DNAH1: variants seen among roughly 807,000 people sequenced by gnomAD.
DNAH1 encodes dynein axonemal heavy chain 1, also known as axonemal beta dynein heavy chain 1.
In DNAH1, 327 loss-of-function variants were observed where a neutral mutation model predicts 484.3. The ratio of observed to expected loss-of-function variants is 0.68; its 90% CI spans 0.62 to 0.74. The LOEUF (loss-of-function observed/expected upper bound fraction) is 0.74, where lower values mean the gene tolerates loss of function less well. Ranked by LOEUF, DNAH1 falls within the 30% of genes least tolerant of loss-of-function variation. The probability of loss-of-function intolerance (pLI) is 0.00; values close to 1 mark genes in which losing one functional copy is unlikely to be tolerated. For synonymous variants in DNAH1, 2,192 were observed against 2,191.9 expected (o/e 1.00, Z 0.00); for missense variants, 5,052 against 5,546.8 (o/e 0.91, Z 2.83).
In DNAH1 at chr3:52,381,761, A is replaced by G; in HGVS notation, c.7730A>G (p.Gln2577Arg). The change falls in exon 49 of 78, where the codon CAG becomes CGG. Residue 2577 changes from glutamine (Q) to arginine (R), a missense_variant. Transcript: ENST00000420323. This position sits in a 1 kb window ranked among gnomAD's most constrained non-coding sequence, Gnocchi z 4.1. ...TGTCGCATCAGCCGCACCCTACGCCAGGCGCTGGGCAATGCACTCCTGCTG... is the reference window on the plus strand; with the variant it reads ...TGTCGCATCAGCCGCACCCTACGCCGGGCGCTGGGCAATGCACTCCTGCTG... ...HICRISRTLR[Q>R]ALGNALLLGV... The G allele has an allele frequency of 6.2e-7, 1 of 1,605,264 alleles. No individual in the cohort carries two copies. Among genetic ancestry groups the G allele is most frequent in the Non-Finnish European group, 8.5e-7 (1 of 1,176,632 alleles).
chr3:52,322,319 T>C (rs1701176507), intron 1 of DNAH1, 90 bp from the exon 2 acceptor site: 2 of 847,898 alleles, frequency 2.4e-6, no homozygotes, highest in East Asian at 5.3e-5. Flanking sequence ...GGGCTGGGGC[T>C]TGTGGCAGGC....
rs1273330592 is a variant in DNAH1 at position 52,398,969 on chromosome 3, CT to C, written c.12210del (p.Val4071CysfsTer54). 1 of 1,613,958 alleles carries C rather than the reference CT, an allele frequency of 6.2e-7. No homozygotes were observed. Among genetic ancestry groups the C allele is most frequent in the East Asian group, 2.2e-5 (1 of 44,876 alleles). ...ELMAASLYNN[T>X]VPELWSAKAY... ...ATGGCTGCCAGCCTGTACAACAATA[CT>C]GTGCCTGAGCTCTGGAGTGCCAAGG... On this transcript the variant is annotated frameshift_variant, in exon 76 of 78. Coordinates refer to ENST00000420323, the MANE Select transcript of DNAH1 (RefSeq NM_015512.5). LOFTEE classifies it high-confidence loss of function.
In DNAH1 at chr3:52,386,064, G is replaced by A. The variant is rs377145536; in HGVS notation, c.8626-96G>A. The A allele has an allele frequency of 1.8e-5, 25 of 1,384,652 alleles. No homozygotes were observed. In the South Asian group the frequency reaches 2.7e-4, roughly 15 times the overall value. The allele number at this position is 1,384,652 out of a possible 1,614,324, so 85.8% of individuals were successfully genotyped here. On this transcript the variant is annotated intron_variant, in intron 54 of 77. Transcript: ENST00000420323. ...GGCCTGTCACAGCTGGAGGGCCCTT[G>A]GAGAACAGGGCACCCCAACTCTCCT...
chr3:52,395,020 T>A lies in DNAH1; in HGVS notation c.10929T>A (p.Phe3643Leu), dbSNP rs752622163. The A allele has an allele frequency of 1.2e-6, 2 of 1,611,414 alleles. No homozygotes were observed. The highest frequency in any genetic ancestry group is 1.7e-6 in the Non-Finnish European group (2 of 1,178,850). The change falls in exon 68 of 78, where the codon TTT (phenylalanine) becomes TTA (leucine). Residue 3643 changes from phenylalanine (F) to leucine (L), a missense_variant. Around this residue, in one of 4 missense-constraint regions of DNAH1, gnomAD observed 853 missense variants for 899.0 expected, o/e 0.95. Coordinates refer to ENST00000420323, the MANE Select transcript of DNAH1 (RefSeq NM_015512.5). This position sits in a 1 kb window ranked among gnomAD's most constrained non-coding sequence, Gnocchi z 4.4. ...AGGTTACCAACGCCATGCAGGACTT[T>A]GTGGCCACCAACCTGGAGCCACGCT... ...GDKVTNAMQD[F>L]VATNLEPRFI...
intron 43 of DNAH1, 129 bp from the exon 44 acceptor site, chr3:52,372,767 T>C: frequency 8.0e-7 from 1 of 1,250,772 alleles, no homozygotes; most frequent in Non-Finnish European, 1.1e-6. Flanking sequence ...GGTCAAGGCA[T>C]CTAGCAATTT....
chr3:52,338,171 C>T (rs1421218255), intron 8 of DNAH1, among the ~76,000 whole-genome samples: 4 of 152,070 alleles, frequency 2.6e-5, no homozygotes, highest in East Asian at 1.9e-4. Flanking sequence ...TGCAATGGTG[C>T]GATCTCTGCT....
chr3:52,382,311 T>C lies in DNAH1; in HGVS notation c.7806-9T>C, dbSNP rs376044216. On this transcript the variant is annotated splice_polypyrimidine_tract_variant and intron_variant, in intron 49 of 77. Transcript: ENST00000420323. ...CCTGGCATGCTTCAACCCAAACTTC[T>C]GCCTCCAGGGCCGAGTACGAGTGCT... 1 of 1,613,844 alleles carries C rather than the reference T, an allele frequency of 6.2e-7. No homozygotes were observed. The highest frequency in any genetic ancestry group is 1.3e-5 in the African/African-American group (1 of 74,912).
chr3:52,388,104 G>C (rs1578192009), intron 56 of DNAH1, 63 bp from the exon 57 acceptor site: 2 of 1,557,494 alleles, frequency 1.3e-6, no homozygotes, highest in Non-Finnish European at 1.7e-6. Flanking sequence ...CCACATCCCA[G>C]CAGAGCCCTT....
rs368460585 is a variant in DNAH1, at chr3:52,360,252, A to G, written c.4572-59A>G. 497 of 1,542,610 alleles carry G rather than the reference A, an allele frequency of 3.2e-4. 3 individuals carry two copies. The African/African-American group carries it at 5.8e-3, about 18-fold the overall frequency. On this transcript the variant is annotated intron_variant, in intron 27 of 77. Coordinates refer to ENST00000420323, the MANE Select transcript of DNAH1 (RefSeq NM_015512.5). ...AAAAGAACCCTCTCTCCTTGACTAT[A>G]TACCCTGCCCAGTGGCCCATTGCCC...
At chr3:52,330,583 G>A (rs948578058) in intron 6 of DNAH1, among the ~76,000 whole-genome samples, 27 of 152,204 alleles carry the variant, frequency 1.8e-4, no homozygotes, top group African/African-American at 5.5e-4. Flanking sequence ...GAGGGGCAGC[G>A]GTGGGAGGTA....
chr3:52,315,854 C>G (rs1029310229), upstream of DNAH1, among the ~76,000 whole-genome samples: 1 of 152,196 alleles, frequency 6.6e-6, no homozygotes, highest in African/African-American at 2.4e-5. Context: ...CCCTGAGACC[C>G]AGGAGAACAG....
At chr3:52,335,457 G>A (rs1194091454) in intron 8 of DNAH1, among the ~76,000 whole-genome samples, 1 of 133,460 alleles carries the variant, frequency 7.5e-6, no homozygotes, top group Non-Finnish European at 1.6e-5. Context: ...ACAGGTGCCT[G>A]CCACCACACC....
At chr3:52,383,821 C>A in intron 51 of DNAH1, 39 bp from the exon 52 acceptor site, 1 of 1,543,666 alleles carries the variant, frequency 6.5e-7, no homozygotes, top group South Asian at 1.2e-5. Context: ...GGTCGTTGGT[C>A]AGTGTCTCTG....
At chr3:52,382,635 C>G (rs536323328) in intron 50 of DNAH1, among the ~76,000 whole-genome samples, 180 bp downstream of exon 50, 1 of 152,290 alleles carries the variant, frequency 6.6e-6, no homozygotes, top group African/African-American at 2.4e-5. Flanking sequence ...GAGACCAAAC[C>G]CAACCTCTCA....
Position 52,331,115 on chromosome 3 carries a change from G to C in DNAH1, c.872-33G>C, listed in dbSNP as rs777073051. On this transcript the variant is annotated intron_variant, in intron 6 of 77. Transcript: ENST00000420323. Reference sequence around the variant, plus strand: ...AGGCCCCTTCCTGCCCCCATGGCGGGGGGCACTGGTGGAGTTTCTCCTCCT... The same window carrying C: ...AGGCCCCTTCCTGCCCCCATGGCGGCGGGCACTGGTGGAGTTTCTCCTCCT... The C allele has an allele frequency of 3.0e-4, 473 of 1,560,556 alleles. 1 individual carries two copies. Among genetic ancestry groups the C allele is most frequent in the Middle Eastern group, 6.7e-4 (4 of 5,972 alleles).
chr3:52,342,162 T>C (rs961247555), intron 8 of DNAH1, among the ~76,000 whole-genome samples: 4 of 152,002 alleles, frequency 2.6e-5, no homozygotes, highest in African/African-American at 9.7e-5. Context: ...GAGGCTGAGG[T>C]AGGGACAAGT....
rs368678706 is a variant in DNAH1 at position 52,386,187 on chromosome 3, C to T, written c.8653C>T (p.Arg2885Trp). The T allele has an allele frequency of 1.4e-5, 22 of 1,613,544 alleles. No individual in the cohort carries two copies. Among genetic ancestry groups the T allele is most frequent in the African/African-American group, 1.1e-4 (8 of 75,052 alleles). The change falls in exon 55 of 78, where the codon CGG (arginine) becomes TGG (tryptophan). Residue 2885 changes from arginine (R) to tryptophan (W), a missense_variant. Coordinates refer to ENST00000420323, the MANE Select transcript of DNAH1 (RefSeq NM_015512.5). Reference sequence around the variant, plus strand: ...GGATACGGCCATCGCCGAGGAGACCCGGAATTCAGTGCAGACAGAGGAGAT... The same window carrying T: ...GGATACGGCCATCGCCGAGGAGACCTGGAATTCAGTGCAGACAGAGGAGAT... ...KVDTAIAEETRNSVQTEEIKA... is the reference protein window; with the variant it reads ...KVDTAIAEETWNSVQTEEIKA...
intron 11 of DNAH1, among the ~76,000 whole-genome samples, chr3:52,347,085 C>T (rs1702173359): frequency 6.6e-6 from 1 of 152,204 alleles, no homozygotes; most frequent in Non-Finnish European, 1.5e-5. Flanking sequence ...AGACAGGCAG[C>T]AAGCAGATAA....
chr3:52,335,574 G>T (rs953926408), intron 8 of DNAH1, among the ~76,000 whole-genome samples: 2 of 152,156 alleles, frequency 1.3e-5, no homozygotes, highest in Non-Finnish European at 2.9e-5. Flanking sequence ...CTCCCAAAGT[G>T]CTGGGATTAT....
Sources: allele counts gnomAD v4.1 joint callset (sites outside exome capture counted in the v4.1 genomes callset), GRCh38; gene constraint gnomAD v4.1.1; regional missense constraint gnomAD v4.1.1; non-coding constraint Gnocchi (gnomAD v3.1); transcripts MANE v1.5; gene names NCBI Gene and HGNC (gene_info 2026-07-23, HGNC 2026-07-21).